The following MSH3 variants were observed in gnomAD, a reference collection of about 807,000 sequenced individuals.
The protein encoded by MSH3 is DNA mismatch repair protein Msh3.
A neutral mutation model predicts 123.3 loss-of-function variants in MSH3; 106 were observed. The ratio of observed to expected loss-of-function variants is 0.86; its 90% CI spans 0.73 to 1.01. MSH3 has a LOEUF of 1.01. Among genes scored for constraint, MSH3 ranks in the 50% least tolerant of loss-of-function variants. The pLI is 0.00. For synonymous variants in MSH3, 515 were observed against 481.4 expected (o/e 1.07, Z -0.91); for missense variants, 1,459 against 1,347.6 (o/e 1.08, Z -1.29).
intron 18 of MSH3, among the ~76,000 whole-genome samples, chr5:80,791,000 C>G (rs552279945): frequency 2.6e-5 from 4 of 152,264 alleles, no homozygotes; most frequent in African/African-American, 9.6e-5. Flanking sequence ...GCAAAATGAA[C>G]TCTGTTATTC....
At chr5:80,864,243 C>T (rs1746062205) in intron 21 of MSH3, among the ~76,000 whole-genome samples, 1 of 152,100 alleles carries the variant, frequency 6.6e-6, no homozygotes, top group African/African-American at 2.4e-5. Flanking sequence ...AGAGTTTAGT[C>T]CTCACTGGCA....
Position 80,707,751 on chromosome 5 carries a change from G to A in MSH3, c.1341-17702G>A, listed in dbSNP as rs537801360. Among the ~76,000 whole-genome samples, 3 of 152,190 alleles carry A rather than the reference G, an allele frequency of 2.0e-5. No individual in the cohort carries two copies. In the East Asian group the frequency reaches 5.8e-4, roughly 29 times the overall value. ...TGTCTCAAAAAAACAAAACAAAAAA[G>A]TAACAGCTGAAGTAGGTTTTGGAGT... On this transcript the variant is annotated intron_variant, in intron 8 of 23. Coordinates refer to ENST00000265081, the MANE Select transcript of MSH3 (RefSeq NM_002439.5).
chr5:80,772,852 G>A (rs913470854), intron 15 of MSH3, among the ~76,000 whole-genome samples: 3 of 152,182 alleles, frequency 2.0e-5, no homozygotes, highest in African/African-American at 7.2e-5. Context: ...GAGGATTGCT[G>A]AGTGAGGAAA....
intron 2 of MSH3, among the ~76,000 whole-genome samples, chr5:80,659,948 A>G (rs957466253): frequency 6.6e-6 from 1 of 152,134 alleles, no homozygotes; most frequent in Non-Finnish European, 1.5e-5. Flanking sequence ...TATTTTTTAT[A>G]CCTGGGATCC....
intron 8 of MSH3, among the ~76,000 whole-genome samples, chr5:80,711,923 G>T (rs2112845661): frequency 6.6e-6 from 1 of 152,218 alleles, no homozygotes; most frequent in Middle Eastern, 3.4e-3. Flanking sequence ...CACAGTGCTG[G>T]GATTACAGGT....
chr5:80,737,591 T>G (rs1218225159), intron 10 of MSH3, among the ~76,000 whole-genome samples: 1 of 152,172 alleles, frequency 6.6e-6, no homozygotes, highest in Admixed American at 6.5e-5. Flanking sequence ...GGTAAATAAT[T>G]TAGAATTGCT....
chr5:80,702,360 G>T (rs902861209), intron 8 of MSH3, among the ~76,000 whole-genome samples: 5 of 152,212 alleles, frequency 3.3e-5, no homozygotes, highest in African/African-American at 1.2e-4. Context: ...GTGAAGGCAA[G>T]TTTAGAGAAG....
In MSH3 at chr5:80,654,964, A is replaced by G. The variant is rs1473363268; in HGVS notation, c.237A>G (p.Ile79Met). 5.5e-6 allele frequency: 8 copies of G among 1,459,270 alleles called. No individual in the cohort carries two copies. The highest frequency in any genetic ancestry group is 2.8e-5 in the East Asian group (1 of 36,264). 90.4% of individuals were successfully genotyped at this position (1,459,270 alleles called of 1,614,324 possible). Residue 79 changes from isoleucine to methionine, a missense_variant and splice_region_variant, in exon 1 of 24, where the codon ATA becomes ATG. Transcript: ENST00000265081. ...PAFPPQLPPH[I>M]ATEIDRRKKR... The stretch of plus-strand genomic sequence containing the variant: ...TCCCGCCCCAGCTGCCGCCGCACAT[A>G]GTAGGTTCTGTCTGGGACTGGGCAG...
At chr5:80,685,201 CT>C (rs70991171) in intron 8 of MSH3, among the ~76,000 whole-genome samples, 44,124 of 107,280 alleles carry the variant, frequency 0.41, 7,892 homozygotes, top group East Asian at 0.59. Flanking sequence ...AAGTATTCTC[CT>C]TTTTTTTTTT....
At chr5:80,709,274 T>A (rs1201236907) in intron 8 of MSH3, among the ~76,000 whole-genome samples, 1 of 150,618 alleles carries the variant, frequency 6.6e-6, no homozygotes. Context: ...TGTGGAACAT[T>A]TGGTAAAGCT....
chr5:80,781,245 T>A (rs1354291795), intron 17 of MSH3, among the ~76,000 whole-genome samples: 1 of 152,208 alleles, frequency 6.6e-6, no homozygotes, highest in Non-Finnish European at 1.5e-5. Context: ...ATGTGAAAAC[T>A]GAACTAAAAT....
chr5:80,663,635 A>T (rs1195448807), intron 2 of MSH3, among the ~76,000 whole-genome samples: 1 of 152,216 alleles, frequency 6.6e-6, no homozygotes, highest in Non-Finnish European at 1.5e-5. Context: ...ACAAATATAC[A>T]TTTCAAAAAA....
chr5:80,824,415 A>G (rs13160940), intron 20 of MSH3, among the ~76,000 whole-genome samples: 4 of 143,462 alleles, frequency 2.8e-5, no homozygotes. Context: ...CCTCCCTCCC[A>G]GACGGGGCGG....
chr5:80,715,924 A>G (rs1278819711), intron 8 of MSH3, among the ~76,000 whole-genome samples: 3 of 152,080 alleles, frequency 2.0e-5, no homozygotes, highest in African/African-American at 4.8e-5. Context: ...AATTCCAACC[A>G]TATCATATAT....
At chr5:80,801,972 C>T (rs774071538) in intron 19 of MSH3, among the ~76,000 whole-genome samples, 20 of 152,084 alleles carry the variant, frequency 1.3e-4, no homozygotes, top group African/African-American at 3.1e-4. Context: ...TAGAAATTGA[C>T]GCCACAGTGA....
At chr5:80,869,471 C>T (rs1746164347) in intron 22 of MSH3, among the ~76,000 whole-genome samples, 1 of 151,968 alleles carries the variant, frequency 6.6e-6, no homozygotes, top group Admixed American at 6.6e-5. Flanking sequence ...CTCCATATTT[C>T]CATCCTACCA....
chr5:80,781,115 A>G (rs950385505), intron 17 of MSH3, among the ~76,000 whole-genome samples: 2 of 152,152 alleles, frequency 1.3e-5, no homozygotes, highest in African/African-American at 4.8e-5. Context: ...GAATGGAGGG[A>G]TGGAAATTTT....
intron 10 of MSH3, among the ~76,000 whole-genome samples, chr5:80,740,578 T>C (rs1031836454): frequency 6.6e-6 from 1 of 152,118 alleles, no homozygotes; most frequent in Non-Finnish European, 1.5e-5. Context: ...GCCAGGATGG[T>C]CTCCATCTCT....
At chr5:80,713,394 CTTTAA>C in intron 8 of MSH3, among the ~76,000 whole-genome samples, 2 of 152,128 alleles carry the variant, frequency 1.3e-5, no homozygotes, top group Non-Finnish European at 1.5e-5. Context: ...AAATTAGAAG[CTTTAA>C]TTTAACCGTC....
Sources: gnomAD v4.1 joint callset for allele counts (sites outside exome capture counted in the v4.1 genomes callset) on GRCh38, gnomAD v4.1.1 for gene constraint, MANE v1.5 for transcripts, NCBI Gene and HGNC (gene_info 2026-07-23, HGNC 2026-07-21) for gene names.